ZNF608: variants seen among roughly 807,000 people sequenced by gnomAD.
The protein encoded by ZNF608 is renal carcinoma antigen NY-REN-36.
ZNF608 carries 12 observed loss-of-function variants against 109.0 expected under a neutral mutation model. The observed-to-expected ratio is 0.11, with a 90% CI of 0.07 to 0.18. The LOEUF is 0.18. Among genes scored for constraint, ZNF608 ranks in the 10% least tolerant of loss-of-function variants. ZNF608 has a pLI of 1.00. For missense variants in ZNF608, 1,707 were observed against 1,879.3 expected (o/e 0.91, Z 1.70); for synonymous variants, 732 against 717.4 (o/e 1.02, Z -0.33).
chr5:124,703,259 G>A (rs1753127691), intron 2 of ZNF608, among the ~76,000 whole-genome samples: 1 of 152,138 alleles, frequency 6.6e-6, no homozygotes. Flanking sequence ...AACAAACGTA[G>A]CTTGAATAGG....
chr5:124,684,892 A>G (rs1752339797), intron 3 of ZNF608, among the ~76,000 whole-genome samples: 1 of 152,226 alleles, frequency 6.6e-6, no homozygotes, highest in South Asian at 2.1e-4. Context: ...AGAACTGTTG[A>G]GGATTCTGCA....
At chr5:124,688,200 T>C (rs1319974249) in intron 3 of ZNF608, among the ~76,000 whole-genome samples, 1 of 152,040 alleles carries the variant, frequency 6.6e-6, no homozygotes, top group Non-Finnish European at 1.5e-5. Flanking sequence ...CTTCCTTCAC[T>C]TGGGAGAAAA....
intron 3 of ZNF608, among the ~76,000 whole-genome samples, chr5:124,667,833 C>A (rs1404681517): frequency 6.6e-6 from 1 of 152,164 alleles, no homozygotes; most frequent in East Asian, 1.9e-4. Flanking sequence ...AGGCAGTAAT[C>A]TGTGGAACTA....
At chr5:124,695,947 G>A (rs1325953371) in intron 3 of ZNF608, among the ~76,000 whole-genome samples, 1 of 152,152 alleles carries the variant, frequency 6.6e-6, no homozygotes, top group Non-Finnish European at 1.5e-5. Context: ...ACTTTGGGAG[G>A]CCAAGGCGGG....
intron 2 of ZNF608, among the ~76,000 whole-genome samples, chr5:124,706,570 T>C (rs1164820757): frequency 6.6e-6 from 1 of 152,164 alleles, no homozygotes; most frequent in Non-Finnish European, 1.5e-5. Context: ...GGATTATTAG[T>C]CTAATAATAC....
intron 3 of ZNF608, among the ~76,000 whole-genome samples, chr5:124,687,776 G>A (rs1580624724): frequency 1.3e-5 from 2 of 152,178 alleles, no homozygotes; most frequent in African/African-American, 2.4e-5. Context: ...AGATCAGAAA[G>A]GCCCCAGAAG....
intron 2 of ZNF608, among the ~76,000 whole-genome samples, chr5:124,740,524 A>AG (rs397800300): frequency 6.6e-6 from 1 of 151,490 alleles, no homozygotes; most frequent in African/African-American, 2.4e-5. Context: ...AAAAAAAAAA[A>AG]GCATAATGTC....
In ZNF608 at chr5:124,646,822, T is replaced by G; in HGVS notation, c.3562A>C (p.Asn1188His). ...TCGGCCTGAAGCTGCTGCTGGTGAT[T>G]GGAGAGAAGCTGCGATTTACCTGTC... ...EETGKSQLLS[N>H]HQQQLQADSF... The change falls in exon 5 of 10, where the codon AAT (asparagine) becomes CAT (histidine). Residue 1188 changes from asparagine (N) to histidine (H), a missense_variant. Coordinates refer to ENST00000513986, the MANE Select transcript of ZNF608 (RefSeq NM_020747.3). The G allele has an allele frequency of 6.2e-7, 1 of 1,614,256 alleles. No individual in the cohort carries two copies. Among genetic ancestry groups the G allele is most frequent in the South Asian group, 1.1e-5 (1 of 91,084 alleles).
intron 3 of ZNF608, among the ~76,000 whole-genome samples, chr5:124,656,912 C>A (rs1314003229): frequency 2.7e-5 from 4 of 150,728 alleles, no homozygotes; most frequent in Non-Finnish European, 4.4e-5. Flanking sequence ...GAACACAGAG[C>A]CACTTCCATC....
At chr5:124,702,761 A>T (rs1580658429) in intron 2 of ZNF608, among the ~76,000 whole-genome samples, 1 of 152,236 alleles carries the variant, frequency 6.6e-6, no homozygotes, top group African/African-American at 2.4e-5. Flanking sequence ...CAAAGCTGCC[A>T]TAAAACTTCT....
chr5:124,722,649 A>G (rs1044886195), intron 2 of ZNF608, among the ~76,000 whole-genome samples: 1 of 151,524 alleles, frequency 6.6e-6, no homozygotes, highest in Non-Finnish European at 1.5e-5. Flanking sequence ...TATTCCTAAC[A>G]TCTCCCTTTT....
intron 3 of ZNF608, among the ~76,000 whole-genome samples, chr5:124,700,633 C>CACAA (rs1481451852): frequency 6.6e-6 from 1 of 152,230 alleles, no homozygotes; most frequent in Non-Finnish European, 1.5e-5. Flanking sequence ...GCCTCTACAA[C>CACAA]ACAAAAACAA....
intron 3 of ZNF608, among the ~76,000 whole-genome samples, chr5:124,654,337 T>A (rs887130088): frequency 6.6e-6 from 1 of 152,138 alleles, no homozygotes; most frequent in South Asian, 2.1e-4. Context: ...TCTTCTTTAC[T>A]CTCCAGCCTA....
Position 124,646,954 on chromosome 5 carries a change from T to C in ZNF608, c.3430A>G (p.Lys1144Glu). 6.2e-7 allele frequency: 1 copy of C among 1,614,070 alleles called. No homozygotes were observed. Among genetic ancestry groups the C allele is most frequent in the Non-Finnish European group, 8.5e-7 (1 of 1,180,008 alleles). ...PLKELGKEETKQKNMPSATIS... is the reference protein window; with the variant it reads ...PLKELGKEETEQKNMPSATIS... ...GTGGCCGATGGCATATTTTTCTGTT[T>C]AGTTTCCTCCTTGCCCAGCTCTTTC... The change falls in exon 5 of 10, where the codon AAA becomes GAA. Residue 1144 changes from lysine (K) to glutamate (E), a missense_variant. Lys to Glu is a moderately conservative substitution (Grantham distance 56, BLOSUM62 1). Transcript: ENST00000513986.
Position 124,647,291 on chromosome 5 carries a change from C to T in ZNF608, c.3093G>A (p.Lys1031=). The stretch of plus-strand genomic sequence containing the variant: ...TTTCAGCATCTTCCTCAGACTCCTT[C>T]TTGATCTTCATTCCCTGCGTGCTCC... ...NSGSTQGMKI[K]KESEEDAEKK... The change falls in exon 5 of 10, where the codon AAG becomes AAA. Residue 1031 remains lysine, a synonymous_variant. Coordinates refer to ENST00000513986, the MANE Select transcript of ZNF608 (RefSeq NM_020747.3). The T allele has an allele frequency of 3.7e-6, 6 of 1,614,236 alleles. No homozygotes were observed. In the Middle Eastern group the frequency reaches 4.9e-4, roughly 133 times the overall value.
At chr5:124,724,391 T>A (rs1754055552) in intron 2 of ZNF608, among the ~76,000 whole-genome samples, 2 of 143,042 alleles carry the variant, frequency 1.4e-5, no homozygotes, top group Non-Finnish European at 3.0e-5. Context: ...TTTTTTAATT[T>A]AAAAAAAATA....
intron 3 of ZNF608, among the ~76,000 whole-genome samples, chr5:124,670,747 G>A (rs971875735): frequency 9.2e-5 from 14 of 152,238 alleles, no homozygotes; most frequent in Admixed American, 8.5e-4. Context: ...TTTCTATACC[G>A]TTCCATCACA....
intron 2 of ZNF608, among the ~76,000 whole-genome samples, chr5:124,733,569 A>G (rs900003753): frequency 6.6e-6 from 1 of 152,198 alleles, no homozygotes; most frequent in Non-Finnish European, 1.5e-5. Flanking sequence ...GCCGGGGCAG[A>G]CTGACCTCAT....
At chr5:124,638,891 G>A in intron 9 of ZNF608, 1 of 958,838 alleles carries the variant, frequency 1.0e-6, no homozygotes, top group East Asian at 3.5e-5. Context: ...GATAACCCAA[G>A]AAAATTTCAA....
Sources: allele counts gnomAD v4.1 joint callset (sites outside exome capture counted in the v4.1 genomes callset), GRCh38; gene constraint gnomAD v4.1.1; transcripts MANE v1.5; gene names NCBI Gene and HGNC (gene_info 2026-07-23, HGNC 2026-07-21).